Variants in RASA2 observed in about 807,000 individuals in gnomAD.
The protein encoded by RASA2 is RAS p21 protein activator 2, also known as ras GTPase-activating protein 2.
In RASA2, 155 loss-of-function variants were observed where a neutral mutation model predicts 118.2. That is an observed-to-expected ratio of 1.31 (90% CI 1.15 to 1.50). The LOEUF (loss-of-function observed/expected upper bound fraction) is 1.50, where lower values mean the gene tolerates loss of function less well. Among genes scored for constraint, RASA2 ranks in the 40% most tolerant of loss-of-function variants. The pLI is 0.00. For missense variants in RASA2, 1,016 were observed against 1,009.6 expected, an observed-to-expected ratio of 1.01 and a Z score of -0.09; for synonymous variants, 353 against 349.1, an observed-to-expected ratio of 1.01 and a Z score of -0.12.
intron 14 of RASA2, among the ~76,000 whole-genome samples, chr3:141,576,029 G>A (rs13062809): frequency 0.28 from 42,988 of 152,012 alleles, 6,985 homozygotes; most frequent in Non-Finnish European, 0.38. Context: ...CACCTGCCTC[G>A]GCCTCCCAAA....
chr3:141,555,777 A>T (rs2082640601), intron 6 of RASA2, 63 bp from the exon 7 acceptor site: 4 of 1,386,550 alleles, frequency 2.9e-6, no homozygotes, highest in Non-Finnish European at 4.0e-6. Context: ...GGTTGGAAAT[A>T]GCATGTTTTA....
intron 9 of RASA2, among the ~76,000 whole-genome samples, chr3:141,569,477 G>A (rs75418367): frequency 0.013 from 2,013 of 152,092 alleles, 58 homozygotes; most frequent in African/African-American, 0.046. Context: ...CTCTAATCCT[G>A]ATATAGTCTA....
chr3:141,487,085 T>TGGC lies in RASA2; in HGVS notation c.13_15dup (p.Ala5dup), dbSNP rs747837865. On this transcript the variant is annotated inframe_insertion, in exon 1 of 24. Transcript: ENST00000286364. ...CTGCGGCACGGGCCGGGCGGCACCA[T>TGGC]GGCGGCGGCGGCGCCTGCTGCTGCG... The TGGC allele has an allele frequency of 4.3e-5, 59 of 1,356,370 alleles. No homozygotes were observed. The highest frequency in any genetic ancestry group is 5.6e-4 in the Middle Eastern group (2 of 3,592). The allele number at this position is 1,356,370 out of a possible 1,614,324, so 84.0% of individuals were successfully genotyped here.
chr3:141,539,484 T>C (rs1577703919), intron 4 of RASA2, among the ~76,000 whole-genome samples: 6 of 152,144 alleles, frequency 3.9e-5, no homozygotes, highest in Admixed American at 3.9e-4. Context: ...CTTAAAATAG[T>C]GAGGGTGTTT....
chr3:141,590,211 T>C, intron 19 of RASA2: 1 of 454,862 alleles, frequency 2.2e-6, no homozygotes, highest in Non-Finnish European at 4.4e-6. Flanking sequence ...GATTCTGATT[T>C]AGTGATATTT....
intron 1 of RASA2, among the ~76,000 whole-genome samples, chr3:141,489,965 CTTTTT>C (rs768242549): frequency 7.6e-6 from 1 of 131,000 alleles, no homozygotes; most frequent in Admixed American, 7.7e-5. Context: ...CTTGAGTGTA[CTTTTT>C]TTTTTTTTTT....
At chr3:141,527,401 G>A (rs1247169908) in intron 3 of RASA2, among the ~76,000 whole-genome samples, 1 of 151,970 alleles carries the variant, frequency 6.6e-6, no homozygotes, top group African/African-American at 2.4e-5. Context: ...CTTTTTCTGG[G>A]GAGAGGACAT....
intron 19 of RASA2, among the ~76,000 whole-genome samples, chr3:141,604,017 G>T (rs2083508088): frequency 6.6e-6 from 1 of 152,072 alleles, no homozygotes; most frequent in Non-Finnish European, 1.5e-5. Flanking sequence ...TTTGGTTTTT[G>T]GCTATTATGA....
At chr3:141,496,109 A>G (rs1232145025) in intron 1 of RASA2, among the ~76,000 whole-genome samples, 2 of 152,250 alleles carry the variant, frequency 1.3e-5, no homozygotes, top group Non-Finnish European at 2.9e-5. Context: ...AAAACTGGCT[A>G]GGCATGTGTA....
chr3:141,555,725 T>A (rs1019712124), intron 6 of RASA2, 115 bp from the exon 7 acceptor site: 1 of 791,872 alleles, frequency 1.3e-6, no homozygotes, highest in Non-Finnish European at 2.0e-6. Flanking sequence ...AACTGAATCT[T>A]CCCTGAGTCA....
At chr3:141,506,245 C>G (rs2081864752) in intron 1 of RASA2, among the ~76,000 whole-genome samples, 1 of 152,180 alleles carries the variant, frequency 6.6e-6, no homozygotes, top group African/African-American at 2.4e-5. Context: ...ATTGATATAC[C>G]TCCTGATCTT....
chr3:141,608,711 T>G lies in RASA2; in HGVS notation c.2225+14T>G. The G allele has an allele frequency of 6.2e-7, 1 of 1,604,620 alleles. No individual in the cohort carries two copies. On this transcript the variant is annotated intron_variant, in intron 21 of 23. Coordinates refer to ENST00000286364, the MANE Select transcript of RASA2 (RefSeq NM_006506.5). ...GCCATGTACTGCGTAAGTTTCTTTC[T>G]GATTATAAAAGCAGTGTGTCAAAAT...
intron 19 of RASA2, among the ~76,000 whole-genome samples, chr3:141,604,623 A>T (rs1286933258): frequency 6.6e-6 from 1 of 152,004 alleles, no homozygotes; most frequent in Admixed American, 6.6e-5. Context: ...TTGGCCCAAC[A>T]CTATTTTTTG....
intron 3 of RASA2, among the ~76,000 whole-genome samples, chr3:141,518,366 C>T (rs1332052830): frequency 6.6e-6 from 1 of 150,922 alleles, no homozygotes; most frequent in African/African-American, 2.4e-5. Flanking sequence ...ACCTGTAGTC[C>T]CAGCTACTCA....
At chr3:141,511,133 GTT>G (rs1266642240) in intron 1 of RASA2, among the ~76,000 whole-genome samples, 1 of 152,164 alleles carries the variant, frequency 6.6e-6, no homozygotes, top group Non-Finnish European at 1.5e-5. Flanking sequence ...GGGTATGGGA[GTT>G]TGGGGAAATA....
chr3:141,602,324 A>G (rs2083476917), intron 19 of RASA2, among the ~76,000 whole-genome samples: 1 of 152,150 alleles, frequency 6.6e-6, no homozygotes, highest in Non-Finnish European at 1.5e-5. Flanking sequence ...TTTACCTCAG[A>G]TCATCAGGCA....
In RASA2 at chr3:141,580,364, T is replaced by C. The variant is rs1480273668; in HGVS notation, c.1591-4T>C. 1 of 1,592,196 alleles carries C rather than the reference T, an allele frequency of 6.3e-7. No individual in the cohort carries two copies. The highest frequency in any genetic ancestry group is 8.6e-7 in the Non-Finnish European group (1 of 1,164,816). ...GTAGTTTTGGTCTTTTTTACATTCTTTAGGATGCACAGACAATTAGAACAT... is the reference window on the plus strand; with the variant it reads ...GTAGTTTTGGTCTTTTTTACATTCTCTAGGATGCACAGACAATTAGAACAT... On this transcript the variant is annotated splice_region_variant and splice_polypyrimidine_tract_variant and intron_variant, in intron 15 of 23. Transcript: ENST00000286364.
chr3:141,488,867 G>A (rs2081607990), intron 1 of RASA2, among the ~76,000 whole-genome samples: 1 of 152,040 alleles, frequency 6.6e-6, no homozygotes, highest in African/African-American at 2.4e-5. Context: ...GTCTATTGGA[G>A]ACTCACTGGT....
intron 5 of RASA2, among the ~76,000 whole-genome samples, chr3:141,543,876 C>CTTTTTTTTTTT (rs529631210): frequency 1.3e-3 from 156 of 117,256 alleles, no homozygotes; most frequent in East Asian, 1.9e-3. Context: ...TTTCTTTTTT[C>CTTTTTTTTTTT]TTTTTTTTTT....
Sources: allele counts gnomAD v4.1 joint callset (sites outside exome capture counted in the v4.1 genomes callset), GRCh38; gene constraint gnomAD v4.1.1; transcripts MANE v1.5; gene names NCBI Gene and HGNC (gene_info 2026-07-23, HGNC 2026-07-21).